Variants in KDM4C observed in about 807,000 individuals in gnomAD.
The protein encoded by KDM4C is lysine demethylase 4C.
A neutral mutation model predicts 129.3 loss-of-function variants in KDM4C; 81 were observed. The observed-to-expected ratio is 0.63, with a 90% confidence interval of 0.52 to 0.75. The LOEUF (loss-of-function observed/expected upper bound fraction) is 0.75. Among genes scored for constraint, KDM4C ranks in the 30% least tolerant of loss-of-function variants. KDM4C has a pLI of 0.00. For synonymous variants in KDM4C, 573 were observed against 456.1 expected, an observed-to-expected ratio of 1.26 and a Z score of -3.26; for missense variants, 1,457 against 1,304.0, an observed-to-expected ratio of 1.12 and a Z score of -1.81.
intron 15 of KDM4C, among the ~76,000 whole-genome samples, chr9:7,016,334 A>G (rs1823673523): frequency 6.6e-6 from 1 of 151,016 alleles, no homozygotes; most frequent in Admixed American, 6.6e-5. Context: ...TCAACGTGTT[A>G]ACCAGGATGG....
At chr9:6,862,849 A>C (rs1405310665) in intron 5 of KDM4C, among the ~76,000 whole-genome samples, 2 of 152,160 alleles carry the variant, frequency 1.3e-5, no homozygotes, top group Non-Finnish European at 2.9e-5. Context: ...CAAAAAACAA[A>C]AAAAAATTCA....
chr9:7,171,661 G>T (rs1362393225), intron 21 of KDM4C, among the ~76,000 whole-genome samples: 1 of 152,096 alleles, frequency 6.6e-6, no homozygotes, highest in African/African-American at 2.4e-5. Context: ...TGAGAAGAAA[G>T]CTCATTGCTT....
chr9:6,845,271 T>C (rs935414972), intron 4 of KDM4C, among the ~76,000 whole-genome samples: 1 of 152,210 alleles, frequency 6.6e-6, no homozygotes, highest in African/African-American at 2.4e-5. Flanking sequence ...AGGAGTGCAG[T>C]GGCGCAATCA....
intron 5 of KDM4C, among the ~76,000 whole-genome samples, chr9:6,853,558 G>C (rs922895030): frequency 8.5e-5 from 13 of 152,296 alleles, no homozygotes; most frequent in Non-Finnish European, 1.0e-4. Context: ...TAAGTTTCCT[G>C]AGTTGCTATA....
At chr9:6,739,064 G>A (rs1170397641) in intron 1 of KDM4C, among the ~76,000 whole-genome samples, 2 of 151,560 alleles carry the variant, frequency 1.3e-5, no homozygotes, top group Non-Finnish European at 2.9e-5. Flanking sequence ...AGATCTATAT[G>A]TAGATATTCC....
intron 15 of KDM4C, among the ~76,000 whole-genome samples, chr9:7,032,742 T>G (rs1826986374): frequency 6.6e-6 from 1 of 152,194 alleles, no homozygotes; most frequent in Non-Finnish European, 1.5e-5. Context: ...CCTCCTCTGC[T>G]CAGCTTTTGT....
At chr9:7,026,421 T>C (rs531242427) in intron 15 of KDM4C, among the ~76,000 whole-genome samples, 52 of 152,284 alleles carry the variant, frequency 3.4e-4, no homozygotes, top group African/African-American at 1.2e-3. Context: ...CCTGGCCTGT[T>C]AGGTTTTCAC....
At chr9:6,836,612 A>G (rs1399706826) in intron 4 of KDM4C, among the ~76,000 whole-genome samples, 2 of 152,132 alleles carry the variant, frequency 1.3e-5, no homozygotes, top group Non-Finnish European at 2.9e-5. Flanking sequence ...GCCTTGTAAA[A>G]AATAGTTTTC....
At chr9:7,113,093 A>C (rs185894650) in intron 18 of KDM4C, among the ~76,000 whole-genome samples, 69 of 152,288 alleles carry the variant, frequency 4.5e-4, no homozygotes, top group Middle Eastern at 6.8e-3. Flanking sequence ...TGACAAAGAG[A>C]GATTTCTGAC....
chr9:6,772,372 T>A (rs1203572296), intron 1 of KDM4C, among the ~76,000 whole-genome samples: 1 of 151,828 alleles, frequency 6.6e-6, no homozygotes, highest in East Asian at 1.9e-4. Flanking sequence ...TGGTCCTTTT[T>A]TTTTTTGAGA....
chr9:7,018,114 T>C (rs961809574), intron 15 of KDM4C, among the ~76,000 whole-genome samples: 2 of 152,212 alleles, frequency 1.3e-5, no homozygotes, highest in Non-Finnish European at 2.9e-5. Context: ...AATTTTGTCA[T>C]TGTGTGAACA....
rs1185088589 is a variant in KDM4C at position 7,115,030 on chromosome 9, G to A, written c.2610+11160G>A. On this transcript the variant is annotated intron_variant, in intron 18 of 21. Coordinates refer to ENST00000381309, the MANE Select transcript of KDM4C (RefSeq NM_015061.6). ...GGAGGTAAAGATTGCAGTGAGCCAA[G>A]ATTGCGCCACTGCACTGCAATACAG... Among the ~76,000 whole-genome samples, 4 of 152,086 alleles carry A rather than the reference G, an allele frequency of 2.6e-5. No individual in the cohort carries two copies. In the South Asian group the frequency reaches 8.3e-4, roughly 32 times the overall value.
intron 8 of KDM4C, among the ~76,000 whole-genome samples, chr9:6,951,273 T>C (rs1176212351): frequency 2.6e-5 from 4 of 152,212 alleles, no homozygotes; most frequent in Admixed American, 2.6e-4. Context: ...ACTTATTGCT[T>C]CTATCTAGCT....
intron 17 of KDM4C, among the ~76,000 whole-genome samples, chr9:7,081,114 G>T (rs1427818905): frequency 2.0e-5 from 3 of 152,216 alleles, no homozygotes; most frequent in Non-Finnish European, 4.4e-5. Context: ...TGAATGGGAA[G>T]GCTGAGTAAC....
chr9:6,731,449 C>T (rs896826996), intron 1 of KDM4C, among the ~76,000 whole-genome samples: 1 of 151,800 alleles, frequency 6.6e-6, no homozygotes, highest in Non-Finnish European at 1.5e-5. Flanking sequence ...GCCTCAGCCT[C>T]CTGAGTAGCT....
chr9:7,148,453 G>C (rs1842418704), intron 19 of KDM4C, among the ~76,000 whole-genome samples: 1 of 152,202 alleles, frequency 6.6e-6, no homozygotes, highest in Admixed American at 6.5e-5. Flanking sequence ...CAGCTGCCCA[G>C]TAGCAGTGGA....
At chr9:6,780,905 G>A (rs1283631783) in intron 1 of KDM4C, among the ~76,000 whole-genome samples, 1 of 151,428 alleles carries the variant, frequency 6.6e-6, no homozygotes, top group African/African-American at 2.4e-5. Flanking sequence ...ATTTCATTAT[G>A]CCTATGATGA....
At chr9:6,818,746 A>C (rs1262677986) in intron 4 of KDM4C, among the ~76,000 whole-genome samples, 1 of 152,192 alleles carries the variant, frequency 6.6e-6, no homozygotes, top group Non-Finnish European at 1.5e-5. Flanking sequence ...TTAACAAAAC[A>C]TGGGGCCCAG....
At chr9:6,955,344 A>G (rs2131549132) in intron 8 of KDM4C, among the ~76,000 whole-genome samples, 1 of 152,286 alleles carries the variant, frequency 6.6e-6, no homozygotes, top group South Asian at 2.1e-4. Flanking sequence ...TTTTGGTTTT[A>G]CCTTTGAATA....
Sources: gnomAD v4.1 joint callset for allele counts (sites outside exome capture counted in the v4.1 genomes callset) on GRCh38, gnomAD v4.1.1 for gene constraint, MANE v1.5 for transcripts, NCBI Gene and HGNC (gene_info 2026-07-23, HGNC 2026-07-21) for gene names.